The following BMPR1B variants were observed in gnomAD, a reference collection of about 807,000 sequenced individuals.
BMPR1B encodes the protein bone morphogenetic protein receptor type-1B.
In BMPR1B, 12 loss-of-function variants were observed where a neutral mutation model predicts 59.1. The ratio of observed to expected loss-of-function variants is 0.20; its 90% CI spans 0.13 to 0.33. BMPR1B has a LOEUF of 0.33. Ranked by LOEUF, BMPR1B falls within the 10% of genes least tolerant of loss-of-function variation. The pLI, the probability that BMPR1B is intolerant of heterozygous loss-of-function variation, is 1.00. For missense variants in BMPR1B, 550 were observed against 610.9 expected, an observed-to-expected ratio of 0.90 and a Z score of 1.05; for synonymous variants, 237 against 207.3, an observed-to-expected ratio of 1.14 and a Z score of -1.23.
At chr4:95,143,212 G>A (rs1390423248) in intron 10 of BMPR1B, among the ~76,000 whole-genome samples, 1 of 152,198 alleles carries the variant, frequency 6.6e-6, no homozygotes, top group East Asian at 1.9e-4. Context: ...TAAGGGGCAC[G>A]CCAGGGGTGG....
chr4:94,983,345 A>G (rs1721218608), intron 2 of BMPR1B, among the ~76,000 whole-genome samples: 3 of 152,304 alleles, frequency 2.0e-5, no homozygotes, highest in East Asian at 1.9e-4. Flanking sequence ...CTGCTTCACC[A>G]TCATATATCC....
intron 2 of BMPR1B, among the ~76,000 whole-genome samples, chr4:94,985,472 C>A (rs1332015299): frequency 6.6e-6 from 1 of 151,148 alleles, no homozygotes; most frequent in Admixed American, 6.6e-5. Flanking sequence ...AGTAATGATA[C>A]TGCCATTAAC....
intron 3 of BMPR1B, among the ~76,000 whole-genome samples, chr4:95,035,891 A>G (rs533536738): frequency 6.6e-4 from 101 of 152,286 alleles, no homozygotes; most frequent in African/African-American, 2.2e-3. Context: ...TTTTCACAAT[A>G]TTGATTCTAG....
At chr4:94,969,995 T>C (rs563559023) in intron 2 of BMPR1B, among the ~76,000 whole-genome samples, 1 of 152,236 alleles carries the variant, frequency 6.6e-6, no homozygotes, top group African/African-American at 2.4e-5. Context: ...CTTATACTTT[T>C]AAATGGTTTA....
intron 3 of BMPR1B, among the ~76,000 whole-genome samples, chr4:95,052,171 T>A (rs1488295610): frequency 6.6e-6 from 1 of 152,200 alleles, no homozygotes; most frequent in Non-Finnish European, 1.5e-5. Flanking sequence ...CTAGTTTTCT[T>A]TGAAGTTCAT....
chr4:94,912,042 A>G (rs1315769651), intron 2 of BMPR1B, among the ~76,000 whole-genome samples: 2 of 152,284 alleles, frequency 1.3e-5, no homozygotes, highest in East Asian at 1.9e-4. Context: ...AAGGCAATGA[A>G]GAGCACATCC....
At chr4:94,794,167 C>G (rs1389932203) in intron 1 of BMPR1B, among the ~76,000 whole-genome samples, 1 of 138,224 alleles carries the variant, frequency 7.2e-6, no homozygotes, top group Non-Finnish European at 1.6e-5. Context: ...AGGTTTAAGT[C>G]TTTAATCCAT....
At chr4:94,935,987 T>C (rs1433608659) in intron 2 of BMPR1B, among the ~76,000 whole-genome samples, 1 of 152,098 alleles carries the variant, frequency 6.6e-6, no homozygotes, top group Non-Finnish European at 1.5e-5. Context: ...TTTTTTCCTG[T>C]ATTATTGTTA....
chr4:95,069,608 A>G (rs1728122516), intron 3 of BMPR1B, among the ~76,000 whole-genome samples: 1 of 152,130 alleles, frequency 6.6e-6, no homozygotes, highest in African/African-American at 2.4e-5. Flanking sequence ...ATTTCTCTCC[A>G]AAGTGCTTAG....
At chr4:95,084,932 C>T (rs978056436) in intron 3 of BMPR1B, among the ~76,000 whole-genome samples, 2 of 152,112 alleles carry the variant, frequency 1.3e-5, no homozygotes, top group Non-Finnish European at 2.9e-5. Flanking sequence ...ATCATGATTC[C>T]TACACCTGCT....
At chr4:94,983,357 A>G (rs1721219534) in intron 2 of BMPR1B, among the ~76,000 whole-genome samples, 1 of 152,270 alleles carries the variant, frequency 6.6e-6, no homozygotes, top group South Asian at 2.1e-4. Context: ...CATATATCCA[A>G]CGCTTAAAAC....
intron 3 of BMPR1B, among the ~76,000 whole-genome samples, chr4:95,049,668 C>T (rs1360180429): frequency 6.6e-6 from 1 of 151,592 alleles, no homozygotes; most frequent in East Asian, 2.0e-4. Context: ...CTCTCAACTT[C>T]TGTATTGCTG....
chr4:94,976,209 A>G (rs1369933700), intron 2 of BMPR1B, among the ~76,000 whole-genome samples: 3 of 152,230 alleles, frequency 2.0e-5, no homozygotes, highest in African/African-American at 7.2e-5. Context: ...CAAGGCAGTC[A>G]GACTGCTAGT....
At chr4:95,035,423 A>C (rs943029854) in intron 3 of BMPR1B, among the ~76,000 whole-genome samples, 2 of 152,146 alleles carry the variant, frequency 1.3e-5, no homozygotes, top group Admixed American at 1.3e-4. Context: ...TCTTAGATTT[A>C]AGTTTTTGAT....
intron 3 of BMPR1B, among the ~76,000 whole-genome samples, chr4:95,039,614 A>G (rs1439857446): frequency 6.6e-6 from 1 of 152,190 alleles, no homozygotes; most frequent in African/African-American, 2.4e-5. Flanking sequence ...CAGGTAAGGG[A>G]AGATACGGAA....
chr4:94,884,351 C>T (rs1376918778), intron 2 of BMPR1B, among the ~76,000 whole-genome samples: 1 of 152,070 alleles, frequency 6.6e-6, no homozygotes, highest in Non-Finnish European at 1.5e-5. Context: ...CATGGTGAAA[C>T]CCCATCTGTC....
rs1735542235 is a variant in BMPR1B at position 95,158,146 on chromosome 4, A to G, written c.*3473A>G. On this transcript the variant is annotated 3_prime_UTR_variant, in exon 13 of 13. Transcript: ENST00000515059. The stretch of plus-strand genomic sequence containing the variant: ...AGAAAACCCAGACACATAGCAGTGG[A>G]AATGAAAGAAATGGCATCAGAAGTG... 6.6e-6 allele frequency: 1 copy of G among 152,224 alleles called. No homozygotes were observed. The allele number at this position is 152,224 out of a possible 1,614,324, so 9.4% of individuals were successfully genotyped here.
chr4:95,025,051 A>C (rs1724257118), intron 3 of BMPR1B, among the ~76,000 whole-genome samples: 1 of 152,138 alleles, frequency 6.6e-6, no homozygotes, highest in Non-Finnish European at 1.5e-5. Context: ...CAGTGAGCTG[A>C]GATTCCAGCC....
chr4:94,848,735 G>C lies in BMPR1B; in HGVS notation c.-182-27096G>C, dbSNP rs1355662156. On this transcript the variant is annotated intron_variant, in intron 1 of 12. Coordinates refer to ENST00000515059, the MANE Select transcript of BMPR1B (RefSeq NM_001203.3). ...GACAAAGGGTGGGAGTGAGAGACCTGCTAGAGGCTACTGAAGCGGTTCCAG... is the reference window on the plus strand; with the variant it reads ...GACAAAGGGTGGGAGTGAGAGACCTCCTAGAGGCTACTGAAGCGGTTCCAG... Among the ~76,000 whole-genome samples, 3 of 152,174 alleles carry C rather than the reference G, an allele frequency of 2.0e-5. No individual in the cohort carries two copies. The East Asian group carries it at 5.8e-4, about 29-fold the overall frequency.
Sources: allele counts gnomAD v4.1 joint callset (sites outside exome capture counted in the v4.1 genomes callset), GRCh38; gene constraint gnomAD v4.1.1; transcripts MANE v1.5; gene names NCBI Gene and HGNC (gene_info 2026-07-23, HGNC 2026-07-21).